PLEKHH3: variants seen among roughly 807,000 people sequenced by gnomAD.
PLEKHH3 encodes pleckstrin homology, MyTH4 and FERM domain containing H3.
In PLEKHH3, 57 loss-of-function variants were observed where a neutral mutation model predicts 77.8. The ratio of observed to expected loss-of-function variants is 0.73; its 90% confidence interval spans 0.59 to 0.91. The LOEUF (loss-of-function observed/expected upper bound fraction) is 0.91. Ranked by LOEUF, PLEKHH3 falls within the 40% of genes least tolerant of loss-of-function variation. PLEKHH3 has a pLI of 0.00. For synonymous variants in PLEKHH3, 467 were observed against 504.8 expected (o/e 0.93, Z 1.00); for missense variants, 1,082 against 1,091.2 (o/e 0.99, Z 0.12).
rs546565737 is a variant in PLEKHH3 at position 42,674,695 on chromosome 17, G to C, written c.163-286C>G. The C allele has an allele frequency of 5.5e-4, 197 of 358,362 alleles. 1 individual carries two copies. The highest frequency in any genetic ancestry group is 3.8e-3 in the African/African-American group (183 of 47,930). The allele number at this position is 358,362 out of a possible 1,614,324, so 22.2% of individuals were successfully genotyped here. On this transcript the variant is annotated intron_variant, in intron 1 of 12. Transcript: ENST00000591022. ...TAGGGTGGAAAGAGCACTGGGCAGA[G>C]AGTCAGGAGACCTGGGTTCCAATTC... is the stretch of plus-strand genomic sequence containing the variant.
Position 42,673,316 on chromosome 17 carries a change from G to T in PLEKHH3, c.649-20C>A. 6.2e-7 allele frequency: 1 copy of T among 1,601,946 alleles called. No individual in the cohort carries two copies. Among genetic ancestry groups the T allele is most frequent in the South Asian group, 1.1e-5 (1 of 89,274 alleles). ...ACTTTCCTAGGGGGCCAGGGAGAGG[G>T]TCACCTTGATGGGGAAGGGAGTTCC... On this transcript the variant is annotated intron_variant, in intron 5 of 12. Coordinates refer to ENST00000591022, the MANE Select transcript of PLEKHH3 (RefSeq NM_024927.5).
Position 42,675,835 on chromosome 17 carries a change from C to T in PLEKHH3, c.162+567G>A, listed in dbSNP as rs905940882. ...TCAGGGGTTTCCCAGGAGCCTCACC[C>T]GGGAAAGCCGAGAGTTCTGTCCTGA... On this transcript the variant is annotated intron_variant, in intron 1 of 12. Coordinates refer to ENST00000591022, the MANE Select transcript of PLEKHH3 (RefSeq NM_024927.5). The T allele has an allele frequency of 1.2e-5, 12 of 978,582 alleles. No homozygotes were observed. In the African/African-American group the frequency reaches 1.6e-4, roughly 13 times the overall value. The allele number at this position is 978,582 out of a possible 1,614,324, so 60.6% of individuals were successfully genotyped here.
chr17:42,671,042 G>T lies in PLEKHH3; in HGVS notation c.1373C>A (p.Ala458Asp), dbSNP rs1597789962. The T allele has an allele frequency of 2.5e-6, 4 of 1,610,876 alleles. No individual in the cohort carries two copies. Among genetic ancestry groups the T allele is most frequent in the Non-Finnish European group, 3.4e-6 (4 of 1,179,146 alleles). Residue 458 changes from alanine to aspartate, a missense_variant, in exon 9 of 13, where the codon GCC (alanine) becomes GAC (aspartate). By Grantham distance (126) the Ala-to-Asp change is moderately radical. Coordinates refer to ENST00000591022, the MANE Select transcript of PLEKHH3 (RefSeq NM_024927.5). This position sits in a 1 kb window ranked among gnomAD's most constrained non-coding sequence, Gnocchi z 4.7. ...LYEQRGAQERALAGGTLVADV... is the reference protein window; with the variant it reads ...LYEQRGAQERDLAGGTLVADV... ...GGCCACGAGGGTCCCCCCAGCCAGG[G>T]CTCGCTCCTGGGCCCCTCGCTGCTC...
chr17:42,676,219 G>T lies in PLEKHH3; in HGVS notation c.162+183C>A. ...CCAGCCTGCAGCGGGAGGCCCACAG[G>T]CACATCCCGAGTAGGGCTGCTGCTC... On this transcript the variant is annotated intron_variant, in intron 1 of 12. Transcript: ENST00000591022. The surrounding 1 kb of genome is among the most constrained non-coding windows in gnomAD (Gnocchi z 6.6). 7.2e-7 allele frequency: 1 copy of T among 1,385,482 alleles called. No homozygotes were observed. The highest frequency in any genetic ancestry group is 9.5e-7 in the Non-Finnish European group (1 of 1,055,664). 85.8% of individuals were successfully genotyped at this position (1,385,482 alleles called of 1,614,324 possible).
In PLEKHH3 at chr17:42,676,270, C is replaced by G; in HGVS notation, c.162+132G>C. ...CGAGAGCTCCCGGGGGCTTTGGCCC[C>G]CAGGCAAAAAACTCTCCCTCATCCC... On this transcript the variant is annotated intron_variant, in intron 1 of 12. Coordinates refer to ENST00000591022, the MANE Select transcript of PLEKHH3 (RefSeq NM_024927.5). This position sits in a 1 kb window ranked among gnomAD's most constrained non-coding sequence, Gnocchi z 6.6. 8.2e-6 allele frequency: 12 copies of G among 1,467,732 alleles called. No homozygotes were observed. Among genetic ancestry groups the G allele is most frequent in the Admixed American group, 2.5e-5 (1 of 40,576 alleles). The allele number at this position is 1,467,732 out of a possible 1,614,324, so 90.9% of individuals were successfully genotyped here. A position where few individuals can be genotyped will look rare whatever the true frequency, so the allele number is the denominator to read the frequency against.
chr17:42,668,328 G>T, intron 12 of PLEKHH3, 25 bp from the exon 13 acceptor site: 1 of 1,489,290 alleles, frequency 6.7e-7, no homozygotes. Flanking sequence ...AGGTCAGTGT[G>T]CAACAGGGGC....
chr17:42,674,162 C>G, intron 2 of PLEKHH3, 149 bp from the exon 3 acceptor site: 1 of 1,090,154 alleles, frequency 9.2e-7, no homozygotes, highest in Non-Finnish European at 1.3e-6. Context: ...TGACCTCGAA[C>G]CAGAAATAGC....
In PLEKHH3 at chr17:42,668,039, G is replaced by T; in HGVS notation, c.*88C>A. ...TGTGGGATGTGCCCTGTCCCTGCAG[G>T]GCCAAAAGGGTCCATGTTTCCCTCA... On this transcript the variant is annotated 3_prime_UTR_variant, in exon 13 of 13. Transcript: ENST00000591022. 1.7e-6 allele frequency: 2 copies of T among 1,192,194 alleles called. No homozygotes were observed. Among genetic ancestry groups the T allele is most frequent in the Non-Finnish European group, 2.1e-6 (2 of 939,500 alleles). The allele number at this position is 1,192,194 out of a possible 1,614,324, so 73.9% of individuals were successfully genotyped here.
chr17:42,675,985 C>A, intron 1 of PLEKHH3: 1 of 1,053,976 alleles, frequency 9.5e-7, no homozygotes, highest in Non-Finnish European at 1.1e-6. Flanking sequence ...CGGGAGCTCT[C>A]GCATCTGGCC....
At position 42,671,051 on chromosome 17, in the gene PLEKHH3, T is replaced by A; in HGVS notation, c.1364A>T (p.Gln455Leu). ...GGTCCCCCCAGCCAGGGCTCGCTCC[T>A]GGGCCCCTCGCTGCTCGTACAGCGC... ...AFALYEQRGA[Q>L]ERALAGGTLV... The change falls in exon 9 of 13, where the codon CAG (glutamine) becomes CTG (leucine). Residue 455 changes from glutamine (Q) to leucine (L), a missense_variant. This residue lies in a region of PLEKHH3 where 733 missense variants were observed against 750.0 expected (regional missense o/e 0.98). Transcript: ENST00000591022. The surrounding 1 kb of genome is among the most constrained non-coding windows in gnomAD (Gnocchi z 4.7). 2 of 1,610,304 alleles carry A rather than the reference T, an allele frequency of 1.2e-6. No homozygotes were observed. Among genetic ancestry groups the A allele is most frequent in the Non-Finnish European group, 1.7e-6 (2 of 1,178,780 alleles).
At position 42,672,288 on chromosome 17, in the gene PLEKHH3, G is replaced by A. The variant is rs1038453114; in HGVS notation, c.874C>T (p.Gln292Ter). The part of the protein sequence containing the change: ...RPGPLMQGVL[Q>*]TCRDLPALRD... ...AGCGCGGGCAAGTCCCGGCAGGTTT[G>A]GAGCACACCCTGCATCAAGGGCCCG... The change falls in exon 7 of 13, where the codon CAA becomes TAA. Residue 292 changes from glutamine to a stop codon, truncating the protein, a stop_gained. Transcript: ENST00000591022. LOFTEE classifies it high-confidence loss of function. 6.5e-7 allele frequency: 1 copy of A among 1,550,162 alleles called. No homozygotes were observed. Among genetic ancestry groups the A allele is most frequent in the African/African-American group, 1.4e-5 (1 of 73,060 alleles).
chr17:42,672,457 AG>A, intron 6 of PLEKHH3, 65 bp from the exon 7 acceptor site: 1 of 1,375,316 alleles, frequency 7.3e-7, no homozygotes, highest in Non-Finnish European at 9.6e-7. Context: ...CCTGGGAGGA[AG>A]GCATGAACCA....
intron 6 of PLEKHH3, among the ~76,000 whole-genome samples, chr17:42,672,631 G>C (rs1407332397): frequency 1.3e-5 from 2 of 152,146 alleles, no homozygotes; most frequent in African/African-American, 4.8e-5. Context: ...TTTGGACTTA[G>C]GGAGACGGAC....
chr17:42,672,390 G>A lies in PLEKHH3; in HGVS notation c.772C>T (p.Pro258Ser). 1 of 1,511,282 alleles carries A rather than the reference G, an allele frequency of 6.6e-7. No individual in the cohort carries two copies. The highest frequency in any genetic ancestry group is 8.8e-7 in the Non-Finnish European group (1 of 1,130,756). 93.6% of individuals were successfully genotyped at this position (1,511,282 alleles called of 1,614,324 possible). A position where few individuals can be genotyped will look rare whatever the true frequency, so the allele number is the denominator to read the frequency against. The change falls in exon 7 of 13, where the codon CCG becomes TCG. Residue 258 changes from proline to serine, a missense_variant and splice_region_variant. Physicochemically the swap from Pro to Ser is moderately conservative, Grantham distance 74 (BLOSUM62 -1). Around this residue, in one of 3 missense-constraint regions of PLEKHH3, gnomAD observed 733 missense variants for 750.0 expected, o/e 0.98. Transcript: ENST00000591022. ...TCCTCGCGCAGGGGTGCATAGCCCG[G>A]ACCTGTGGGAGGGTGGGGGCGGAGG... ...PLPYGVSAPG[P>S]GYAPLREEAV...
In PLEKHH3 at chr17:42,671,306, C is replaced by T; in HGVS notation, c.1284+45G>A. The T allele has an allele frequency of 6.3e-7, 1 of 1,593,868 alleles. No homozygotes were observed. The highest frequency in any genetic ancestry group is 8.6e-7 in the Non-Finnish European group (1 of 1,167,546). Reference sequence around the variant, plus strand: ...AAGAGGGAGAGACAGGCGTGAGAAGCTGGCAGGGTGGGTTGGAGGTCATGG... The same window carrying T: ...AAGAGGGAGAGACAGGCGTGAGAAGTTGGCAGGGTGGGTTGGAGGTCATGG... On this transcript the variant is annotated intron_variant, in intron 8 of 12. Transcript: ENST00000591022. This position sits in a 1 kb window ranked among gnomAD's most constrained non-coding sequence, Gnocchi z 4.7.
In PLEKHH3 at chr17:42,673,338, T is replaced by C. The variant is rs867447413; in HGVS notation, c.649-42A>G. ...AGGGTCACCTTGATGGGGAAGGGAG[T>C]TCCTCACAACCCCAGAAAGCTTTGG... On this transcript the variant is annotated intron_variant, in intron 5 of 12. Coordinates refer to ENST00000591022, the MANE Select transcript of PLEKHH3 (RefSeq NM_024927.5). The C allele has an allele frequency of 1.2e-5, 19 of 1,602,660 alleles. No individual in the cohort carries two copies. The Middle Eastern group carries it at 2.2e-3, about 183-fold the overall frequency.
intron 6 of PLEKHH3, 110 bp downstream of exon 6, chr17:42,673,066 G>A: frequency 1.5e-6 from 2 of 1,353,286 alleles, no homozygotes; most frequent in Admixed American, 2.7e-5. Context: ...AAAGTGAGGA[G>A]CTGGCAGGTC....
intron 12 of PLEKHH3, 39 bp from the exon 13 acceptor site, chr17:42,668,342 C>T: frequency 6.8e-7 from 1 of 1,466,070 alleles, no homozygotes. Context: ...CAGGGGCTGC[C>T]AGGTTCTCTT....
Position 42,670,371 on chromosome 17 carries a change from G to A in PLEKHH3, c.1560C>T (p.His520=), listed in dbSNP as rs1011779959. The A allele has an allele frequency of 7.0e-7, 1 of 1,428,748 alleles. No individual in the cohort carries two copies. The highest frequency in any genetic ancestry group is 2.7e-5 in the East Asian group (1 of 36,370). 88.5% of individuals were successfully genotyped at this position (1,428,748 alleles called of 1,614,324 possible). A position where few individuals can be genotyped will look rare whatever the true frequency, so the allele number is the denominator to read the frequency against. ...GCGGCCGGCCCCGCAGCAGCAGAGC[G>A]TGAGCCTGCAGGGGAGGCACCCGGC... is the stretch of plus-strand genomic sequence containing the variant. ...HELPFLFEQA[H]ALLLRGRPPP... is the part of the protein sequence containing the mutation. The change falls in exon 11 of 13, where the codon CAC becomes CAT. Residue 520 remains histidine (H), a synonymous_variant. Coordinates refer to ENST00000591022, the MANE Select transcript of PLEKHH3 (RefSeq NM_024927.5).
Sources: allele counts gnomAD v4.1 joint callset (sites outside exome capture counted in the v4.1 genomes callset), GRCh38; gene constraint gnomAD v4.1.1; regional missense constraint gnomAD v4.1.1; non-coding constraint Gnocchi (gnomAD v3.1); transcripts MANE v1.5; gene names NCBI Gene and HGNC (gene_info 2026-07-23, HGNC 2026-07-21).